The following MBNL1 variants were observed in gnomAD, a reference collection of about 807,000 sequenced individuals.
MBNL1 encodes muscleblind like splicing regulator 1.
Under a neutral mutation model 42.2 loss-of-function variants are expected in MBNL1, and 8 were observed. The ratio of observed to expected loss-of-function variants is 0.19; its 90% CI spans 0.11 to 0.34. MBNL1 has a LOEUF of 0.34. Ranked by LOEUF, MBNL1 falls within the 10% of genes least tolerant of loss-of-function variation. The pLI is 1.00. For missense variants in MBNL1, 309 were observed against 495.3 expected (o/e 0.62, Z 3.57); for synonymous variants, 169 against 173.9 (o/e 0.97, Z 0.22).
At chr3:152,385,876 G>T (rs1387906391) in intron 2 of MBNL1, among the ~76,000 whole-genome samples, 1 of 151,956 alleles carries the variant, frequency 6.6e-6, no homozygotes, top group Non-Finnish European at 1.5e-5. Flanking sequence ...TGATAGAGTA[G>T]TTCACTATTT....
intron 2 of MBNL1, among the ~76,000 whole-genome samples, chr3:152,376,895 T>C (rs532393295): frequency 1.3e-5 from 2 of 152,338 alleles, no homozygotes; most frequent in South Asian, 2.1e-4. Flanking sequence ...ATGCTTTTTG[T>C]TCCCTATTTT....
At chr3:152,270,691 A>G (rs1318582585) in intron 1 of MBNL1, among the ~76,000 whole-genome samples, 1 of 152,242 alleles carries the variant, frequency 6.6e-6, no homozygotes, top group African/African-American at 2.4e-5. Context: ...CATCGCTGTC[A>G]CTTGTATCTT....
chr3:152,459,107 G>A (rs1283130514), intron 8 of MBNL1, 164 bp from the exon 9 acceptor site: 1 of 437,166 alleles, frequency 2.3e-6, no homozygotes, highest in African/African-American at 2.1e-5. Context: ...TGCTACTTTG[G>A]CATTTAAGTT....
At chr3:152,388,906 A>T (rs1289992397) in intron 2 of MBNL1, among the ~76,000 whole-genome samples, 1 of 152,206 alleles carries the variant, frequency 6.6e-6, no homozygotes, top group Non-Finnish European at 1.5e-5. Context: ...AAGGAAGGTG[A>T]AGTGGTGGAG....
At chr3:152,406,736 G>A (rs2098438819) in intron 2 of MBNL1, among the ~76,000 whole-genome samples, 2 of 152,118 alleles carry the variant, frequency 1.3e-5, no homozygotes, top group African/African-American at 4.8e-5. Context: ...TATCGTAAAT[G>A]TCGCTATTGG....
At chr3:152,460,736 GTTAT>G (rs1744298747) in intron 9 of MBNL1, among the ~76,000 whole-genome samples, 1 of 152,022 alleles carries the variant, frequency 6.6e-6, no homozygotes, top group African/African-American at 2.4e-5. Context: ...TCAGATGCTT[GTTAT>G]TTATTTTTAT....
At chr3:152,252,139 C>CCTTCCTTT (rs1219233238) in intron 2 of MBNL1, among the ~76,000 whole-genome samples, 2 of 113,056 alleles carry the variant, frequency 1.8e-5, no homozygotes, top group East Asian at 5.1e-4. Context: ...AACCTACCTT[C>CCTTCCTTT]CTTCCTTCCT....
intron 2 of MBNL1, among the ~76,000 whole-genome samples, chr3:152,378,584 T>A (rs2097027442): frequency 6.6e-6 from 1 of 152,198 alleles, no homozygotes; most frequent in African/African-American, 2.4e-5. Context: ...ATCATTACTT[T>A]TTCCTTTGAA....
intron 2 of MBNL1, among the ~76,000 whole-genome samples, chr3:152,304,215 T>C (rs2061908073): frequency 6.6e-6 from 1 of 152,162 alleles, no homozygotes; most frequent in South Asian, 2.1e-4. Flanking sequence ...AGTATCCAGA[T>C]GGTCACATAT....
At chr3:152,421,911 C>A (rs964332205) in intron 3 of MBNL1, among the ~76,000 whole-genome samples, 3 of 151,778 alleles carry the variant, frequency 2.0e-5, no homozygotes, top group African/African-American at 7.3e-5. Flanking sequence ...GCCTGCCTTA[C>A]AAGAACTCCT....
At chr3:152,285,136 C>T (rs949157067) in intron 1 of MBNL1, among the ~76,000 whole-genome samples, 1 of 152,098 alleles carries the variant, frequency 6.6e-6, no homozygotes, top group African/African-American at 2.4e-5. Context: ...GGGGTTTCTC[C>T]TTCACTTACA....
intron 2 of MBNL1, among the ~76,000 whole-genome samples, chr3:152,333,760 G>A (rs992101604): frequency 1.3e-5 from 2 of 152,122 alleles, no homozygotes; most frequent in Non-Finnish European, 2.9e-5. Flanking sequence ...ATTATTTGCT[G>A]TTATTAAATC....
chr3:152,325,782 A>G (rs1213686892), intron 2 of MBNL1, among the ~76,000 whole-genome samples: 2 of 118,968 alleles, frequency 1.7e-5, no homozygotes, highest in East Asian at 6.3e-4. Flanking sequence ...TCTTCCAGAT[A>G]TGAACTCATT....
chr3:152,436,191 T>TG (rs1410904073), intron 4 of MBNL1, among the ~76,000 whole-genome samples: 2 of 152,186 alleles, frequency 1.3e-5, no homozygotes, highest in African/African-American at 4.8e-5. Context: ...TAACTTTTGT[T>TG]GCATATATTA....
chr3:152,398,171 CAG>C (rs1482930996), intron 2 of MBNL1, among the ~76,000 whole-genome samples: 2 of 152,014 alleles, frequency 1.3e-5, no homozygotes, highest in African/African-American at 2.4e-5. Context: ...ATTTTGGAAA[CAG>C]GGAAAAATAG....
At chr3:152,349,630 T>C (rs978846521) in intron 2 of MBNL1, among the ~76,000 whole-genome samples, 3 of 152,118 alleles carry the variant, frequency 2.0e-5, no homozygotes, top group African/African-American at 7.2e-5. Context: ...AATAAGAAAG[T>C]ATTTAGTTCC....
intron 2 of MBNL1, among the ~76,000 whole-genome samples, chr3:152,365,829 G>A (rs909971255): frequency 1.1e-4 from 16 of 151,944 alleles, no homozygotes; most frequent in East Asian, 1.9e-4. Context: ...CTTTTTTCTC[G>A]TCTAAGATAT....
intron 2 of MBNL1, among the ~76,000 whole-genome samples, chr3:152,258,677 A>G (rs2035800532): frequency 6.6e-6 from 1 of 152,228 alleles, no homozygotes; most frequent in Non-Finnish European, 1.5e-5. Flanking sequence ...AATAACCCCA[A>G]AGTAGACAGT....
chr3:152,275,123 C>T (rs2044186716), intron 1 of MBNL1, among the ~76,000 whole-genome samples: 1 of 152,070 alleles, frequency 6.6e-6, no homozygotes, highest in African/African-American at 2.4e-5. Flanking sequence ...TGTTTGATTA[C>T]AACAGTGACA....
Sources: gnomAD v4.1 joint callset for allele counts (sites outside exome capture counted in the v4.1 genomes callset) on GRCh38, gnomAD v4.1.1 for gene constraint, MANE v1.5 for transcripts, NCBI Gene and HGNC (gene_info 2026-07-23, HGNC 2026-07-21) for gene names.